Variants in OSBPL6 observed in about 807,000 individuals in gnomAD.
OSBPL6 encodes the protein oxysterol-binding protein-related protein 6.
In OSBPL6, 49 loss-of-function variants were observed where a neutral mutation model predicts 125.8. The observed-to-expected ratio is 0.39, with a 90% CI of 0.31 to 0.49. The LOEUF is 0.49. Ranked by LOEUF, OSBPL6 falls within the 20% of genes least tolerant of loss-of-function variation. The pLI is 0.88. For synonymous variants in OSBPL6, 394 were observed against 391.8 expected, an observed-to-expected ratio of 1.01 and a Z score of -0.07; for missense variants, 986 against 1,135.4, an observed-to-expected ratio of 0.87 and a Z score of 1.89.
At chr2:178,288,656 T>A (rs79975497) in intron 2 of OSBPL6, among the ~76,000 whole-genome samples, 25 of 151,732 alleles carry the variant, frequency 1.6e-4, no homozygotes, top group South Asian at 6.3e-4. Context: ...TTTTTTTTTT[T>A]AAATTTTTTG....
At chr2:178,262,021 T>C (rs899596510) in intron 1 of OSBPL6, among the ~76,000 whole-genome samples, 11 of 152,158 alleles carry the variant, frequency 7.2e-5, no homozygotes, top group Non-Finnish European at 8.8e-5. Flanking sequence ...GTTATTATTA[T>C]TTAATGAGAG....
chr2:178,305,525 G>A (rs532380012), intron 2 of OSBPL6, among the ~76,000 whole-genome samples: 1 of 152,318 alleles, frequency 6.6e-6, no homozygotes, highest in South Asian at 2.1e-4. Context: ...AAATAAATGT[G>A]GATATATGTA....
At chr2:178,211,374 G>T (rs921700790) in intron 1 of OSBPL6, among the ~76,000 whole-genome samples, 1 of 152,212 alleles carries the variant, frequency 6.6e-6, no homozygotes, top group Non-Finnish European at 1.5e-5. Flanking sequence ...GCAGGTGCCT[G>T]ACTTTCAATA....
Position 178,224,530 on chromosome 2 carries a change from G to A in OSBPL6, c.-351+29856G>A, listed in dbSNP as rs576893218. 1.3e-5 allele frequency among the ~76,000 whole-genome samples: 2 copies of A among 152,330 alleles called. 1 individual carries two copies. Among genetic ancestry groups the A allele is most frequent in the African/African-American group, 4.8e-5 (2 of 41,574 alleles). On this transcript the variant is annotated intron_variant, in intron 1 of 24. Transcript: ENST00000190611. ...CTTCCTATACTCTCCATTGCAGCCT[G>A]AGTAAATCCTGTGTCCAGAATCAGA... is the stretch of plus-strand genomic sequence containing the variant.
intron 15 of OSBPL6, 92 bp from the exon 16 acceptor site, chr2:178,382,328 G>A (rs56065555): frequency 0.028 from 40,724 of 1,446,402 alleles, 1,229 homozygotes; most frequent in East Asian, 0.19. Context: ...CTTCTCACTG[G>A]AACAATATTT....
At chr2:178,375,413 G>C (rs567479267) in intron 15 of OSBPL6, among the ~76,000 whole-genome samples, 1 of 151,466 alleles carries the variant, frequency 6.6e-6, no homozygotes, top group Admixed American at 6.7e-5. Context: ...TGTTGTTGTT[G>C]TTTTTGTTTT....
chr2:178,342,290 G>A (rs891735559), intron 11 of OSBPL6, among the ~76,000 whole-genome samples: 1 of 152,092 alleles, frequency 6.6e-6, no homozygotes, highest in Non-Finnish European at 1.5e-5. Flanking sequence ...TTGTGGTATT[G>A]TTGCTGCTGT....
At chr2:178,220,192 G>A (rs1304040309) in intron 1 of OSBPL6, among the ~76,000 whole-genome samples, 2 of 152,120 alleles carry the variant, frequency 1.3e-5, no homozygotes, top group African/African-American at 4.8e-5. Context: ...TAGACATCGA[G>A]TTCCATTTTG....
At chr2:178,326,432 T>C (rs1225447324) in intron 4 of OSBPL6, among the ~76,000 whole-genome samples, 2 of 152,212 alleles carry the variant, frequency 1.3e-5, no homozygotes, top group Non-Finnish European at 2.9e-5. Context: ...ATTATGGCTT[T>C]TAGCTCTGTT....
chr2:178,217,414 G>A (rs2090135426), intron 1 of OSBPL6, among the ~76,000 whole-genome samples: 1 of 152,194 alleles, frequency 6.6e-6, no homozygotes, highest in African/African-American at 2.4e-5. Context: ...ATGGTGAAGT[G>A]GCTACATTGT....
chr2:178,387,243 C>T (rs547446375), intron 20 of OSBPL6, 104 bp downstream of exon 20: 16 of 873,478 alleles, frequency 1.8e-5, no homozygotes, highest in Middle Eastern at 2.3e-4. Context: ...CTCTTTATAC[C>T]CAAACTTCTG....
intron 1 of OSBPL6, among the ~76,000 whole-genome samples, chr2:178,209,435 CT>C (rs2089723886): frequency 2.1e-5 from 2 of 96,284 alleles, no homozygotes. Flanking sequence ...TTCTTTCTTT[CT>C]TTCTTTTTTT....
rs116916771 is a variant in OSBPL6, at chr2:178,314,110, C to T, written c.102+7824C>T. ...CTGAGCCTCTGTAGCATCTTCAAAT[C>T]GCTCTGTTGAATGAAATAACTAAAT... On this transcript the variant is annotated intron_variant, in intron 3 of 24. Coordinates refer to ENST00000190611, the MANE Select transcript of OSBPL6 (RefSeq NM_032523.4). Among the ~76,000 whole-genome samples, 112 of 152,332 alleles carry T rather than the reference C, an allele frequency of 7.4e-4. No individual in the cohort carries two copies. In the East Asian group the frequency reaches 0.018, roughly 25 times the overall value.
At chr2:178,285,566 CT>C (rs1323203032) in intron 2 of OSBPL6, among the ~76,000 whole-genome samples, 1 of 152,178 alleles carries the variant, frequency 6.6e-6, no homozygotes, top group East Asian at 1.9e-4. Flanking sequence ...AGACAGTCAA[CT>C]TTTCTTTTTG....
At chr2:178,259,867 G>A (rs1020864604) in intron 1 of OSBPL6, among the ~76,000 whole-genome samples, 1 of 152,106 alleles carries the variant, frequency 6.6e-6, no homozygotes, top group African/African-American at 2.4e-5. Flanking sequence ...AATTAACTTT[G>A]GCTTTACTCC....
chr2:178,359,050 C>T (rs1383192109), intron 12 of OSBPL6, among the ~76,000 whole-genome samples: 1 of 152,058 alleles, frequency 6.6e-6, no homozygotes, highest in East Asian at 1.9e-4. Flanking sequence ...TTAATGTGTG[C>T]CTGTAGTCCT....
intron 4 of OSBPL6, among the ~76,000 whole-genome samples, chr2:178,325,031 G>A (rs1407705232): frequency 1.3e-5 from 2 of 152,204 alleles, no homozygotes; most frequent in African/African-American, 4.8e-5. Flanking sequence ...TGTCATGGGA[G>A]CCAGTGTTCC....
chr2:178,307,227 A>G (rs1559226375), intron 3 of OSBPL6, among the ~76,000 whole-genome samples: 1 of 152,250 alleles, frequency 6.6e-6, no homozygotes, highest in East Asian at 1.9e-4. Context: ...ATTGGCCATC[A>G]TATAGACATG....
At chr2:178,371,995 C>T (rs1351704734) in intron 13 of OSBPL6, 131 bp from the exon 14 acceptor site, 7 of 586,728 alleles carry the variant, frequency 1.2e-5, no homozygotes, top group African/African-American at 1.9e-5. Flanking sequence ...TAGGGTCTGG[C>T]TCATGATGGC....
Sources: gnomAD v4.1 joint callset for allele counts (sites outside exome capture counted in the v4.1 genomes callset) on GRCh38, gnomAD v4.1.1 for gene constraint, MANE v1.5 for transcripts, NCBI Gene and HGNC (gene_info 2026-07-23, HGNC 2026-07-21) for gene names.